DNMT3A: variants seen among roughly 807,000 people sequenced by gnomAD.
DNMT3A encodes the protein DNA (cytosine-5)-methyltransferase 3A.
Under a neutral mutation model 117.6 loss-of-function variants are expected in DNMT3A, and 267 were observed. That is an observed-to-expected ratio of 2.27 (90% CI 2.05 to 2.51). DNMT3A has a LOEUF of 2.51. Among genes scored for constraint, DNMT3A ranks in the 30% most tolerant of loss-of-function variants. The pLI is 0.00. For missense variants in DNMT3A, 1,029 were observed against 1,260.2 expected, an observed-to-expected ratio of 0.82 and a Z score of 2.78; for synonymous variants, 432 against 474.8, an observed-to-expected ratio of 0.91 and a Z score of 1.17.
chr2:25,338,054 T>C (rs1241488923), intron 1 of DNMT3A, among the ~76,000 whole-genome samples: 2 of 152,118 alleles, frequency 1.3e-5, no homozygotes, highest in African/African-American at 2.4e-5. Context: ...CACACTCAAC[T>C]CCCAGTGGGG....
At chr2:25,244,017 C>T in intron 15 of DNMT3A, 35 bp from the exon 16 acceptor site, 1 of 1,550,416 alleles carries the variant, frequency 6.4e-7, no homozygotes, top group South Asian at 1.2e-5. Flanking sequence ...GATGCAGGCC[C>T]AGCGGTGTCC....
At chr2:25,332,897 C>T (rs1438059848) in intron 1 of DNMT3A, among the ~76,000 whole-genome samples, 1 of 152,262 alleles carries the variant, frequency 6.6e-6, no homozygotes, top group Non-Finnish European at 1.5e-5. Flanking sequence ...GGTCTAGACC[C>T]TCCCCTGCCT....
rs2033222587 is a variant in DNMT3A at position 25,298,401 on chromosome 2, G to A, written c.177+1738C>T. Among the ~76,000 whole-genome samples the A allele has an allele frequency of 2.0e-5, 3 of 152,194 alleles. No individual in the cohort carries two copies. Among genetic ancestry groups the A allele is most frequent in the Admixed American group, 6.5e-5 (1 of 15,280 alleles). On this transcript the variant is annotated intron_variant, in intron 3 of 22. Transcript: ENST00000321117. This position sits in a 1 kb window ranked among gnomAD's most constrained non-coding sequence, Gnocchi z 4.3. Reference sequence around the variant, plus strand: ...CGAGTGCTTCACTCCACCTCTCAGCGATGTGGCTACCCTCTGATTCCAGAG... The same window carrying A: ...CGAGTGCTTCACTCCACCTCTCAGCAATGTGGCTACCCTCTGATTCCAGAG...
intron 16 of DNMT3A, chr2:25,241,967 T>C: frequency 2.0e-6 from 1 of 493,338 alleles, no homozygotes; most frequent in Non-Finnish European, 3.5e-6. Context: ...GAGTACATGG[T>C]TCCAGGATCC....
chr2:25,252,977 CG>C lies in DNMT3A; in HGVS notation c.640-4726del, dbSNP rs1675776950. On this transcript the variant is annotated intron_variant, in intron 6 of 22. Coordinates refer to ENST00000321117, the MANE Select transcript of DNMT3A (RefSeq NM_022552.5). The surrounding 1 kb of genome is among the most constrained non-coding windows in gnomAD (Gnocchi z 5.5). ...AGCGCGGCGTGAGGAGGTCAGGCTT[CG>C]AGTCCCAGGGCCCCTGCGTCACTCT... Among the ~76,000 whole-genome samples, 4 of 152,138 alleles carry C rather than the reference CG, an allele frequency of 2.6e-5. No homozygotes were observed. Among genetic ancestry groups the C allele is most frequent in the Non-Finnish European group, 5.9e-5 (4 of 68,014 alleles).
rs1264150469 is a variant in DNMT3A at position 25,286,694 on chromosome 2, G to C, written c.178-3983C>G. 6.6e-6 allele frequency among the ~76,000 whole-genome samples: 1 copy of C among 152,234 alleles called. No homozygotes were observed. Among genetic ancestry groups the C allele is most frequent in the Non-Finnish European group, 1.5e-5 (1 of 68,050 alleles). On this transcript the variant is annotated intron_variant, in intron 3 of 22. Coordinates refer to ENST00000321117, the MANE Select transcript of DNMT3A (RefSeq NM_022552.5). The surrounding 1 kb of genome is among the most constrained non-coding windows in gnomAD (Gnocchi z 4.3). Reference sequence around the variant, plus strand: ...CAAAACCATCCAGAGGAAGGAAAAAGGTCCCAGTCAAATGGCCTGAAGCAA... The same window carrying C: ...CAAAACCATCCAGAGGAAGGAAAAACGTCCCAGTCAAATGGCCTGAAGCAA...
chr2:25,340,714 C>T (rs1209509085), intron 1 of DNMT3A, among the ~76,000 whole-genome samples: 1 of 151,986 alleles, frequency 6.6e-6, no homozygotes, highest in Non-Finnish European at 1.5e-5. Context: ...TCTGCACCGG[C>T]CCGGCGGGGT....
At position 25,336,298 on chromosome 2, in the gene DNMT3A, C is replaced by T. The variant is rs555340932; in HGVS notation, c.-178+5528G>A. 3.3e-5 allele frequency among the ~76,000 whole-genome samples: 5 copies of T among 152,332 alleles called. No homozygotes were observed. In the South Asian group the frequency reaches 6.2e-4, roughly 19 times the overall value. On this transcript the variant is annotated intron_variant, in intron 1 of 22. Coordinates refer to ENST00000321117, the MANE Select transcript of DNMT3A (RefSeq NM_022552.5). Reference sequence around the variant, plus strand: ...AACCTGACGTCTTCACCCCCATTTCCCTGGCACTGGCAGCCCCTTGCAGGA... The same window carrying T: ...AACCTGACGTCTTCACCCCCATTTCTCTGGCACTGGCAGCCCCTTGCAGGA...
At chr2:25,243,387 G>A (rs1302205152) in intron 16 of DNMT3A, among the ~76,000 whole-genome samples, 1 of 152,028 alleles carries the variant, frequency 6.6e-6, no homozygotes, top group Non-Finnish European at 1.5e-5. Context: ...ACAAAACCGT[G>A]TGCATTCACT....
chr2:25,342,452 T>G (rs1482507952), upstream of DNMT3A: 3 of 151,790 alleles, frequency 2.0e-5, no homozygotes, highest in East Asian at 3.9e-4. The surrounding 1 kb of genome is among the most constrained non-coding windows in gnomAD (Gnocchi z 5.9). Context: ...CTGCGCTGGG[T>G]CCCCGCATCC....
chr2:25,317,116 T>C (rs11683301), intron 1 of DNMT3A, among the ~76,000 whole-genome samples: 138,259 of 152,294 alleles, frequency 0.91, 63,176 homozygotes, highest in African/African-American at 0.97. Context: ...GATGCAGTGG[T>C]AGTATCATAG....
intron 6 of DNMT3A, among the ~76,000 whole-genome samples, chr2:25,260,656 A>G (rs1014083016): frequency 6.6e-6 from 1 of 152,180 alleles, no homozygotes; most frequent in African/African-American, 2.4e-5. Flanking sequence ...TAGAGTTGCT[A>G]CTGAAGAATG....
rs1173023102 is a variant in DNMT3A at position 25,247,010 on chromosome 2, G to A, written c.1122+41C>T. The A allele has an allele frequency of 1.3e-6, 2 of 1,595,470 alleles. No individual in the cohort carries two copies. Among genetic ancestry groups the A allele is most frequent in the Non-Finnish European group, 1.7e-6 (2 of 1,169,892 alleles). On this transcript the variant is annotated intron_variant, in intron 9 of 22. Coordinates refer to ENST00000321117, the MANE Select transcript of DNMT3A (RefSeq NM_022552.5). The surrounding 1 kb of genome is among the most constrained non-coding windows in gnomAD (Gnocchi z 5.6). Reference sequence around the variant, plus strand: ...CACTCCAACTTCCAGGCCTCCTAGTGCTCTAGGCTCCTCCTCCGAGCTCCC... The same window carrying A: ...CACTCCAACTTCCAGGCCTCCTAGTACTCTAGGCTCCTCCTCCGAGCTCCC...
intron 1 of DNMT3A, among the ~76,000 whole-genome samples, chr2:25,328,460 A>C (rs560523078): frequency 2.0e-3 from 303 of 151,814 alleles, no homozygotes; most frequent in African/African-American, 7.1e-3. Context: ...CCTCCCCCAA[A>C]ACACCGTCCC....
chr2:25,301,249 A>G (rs2033497703), intron 2 of DNMT3A, among the ~76,000 whole-genome samples: 1 of 137,340 alleles, frequency 7.3e-6, no homozygotes, highest in African/African-American at 2.7e-5. Context: ...AGCCTGGGAG[A>G]CAGAGCGAGA....
At chr2:25,275,222 C>T (rs1183118158) in intron 5 of DNMT3A, 135 bp from the exon 6 acceptor site, 9 of 1,292,110 alleles carry the variant, frequency 7.0e-6, no homozygotes, top group East Asian at 2.7e-5. Context: ...GGGCAGGCCC[C>T]GTGTGGGCTG....
At chr2:25,341,444 G>T (rs938741351) in intron 1 of DNMT3A, among the ~76,000 whole-genome samples, 146 of 145,830 alleles carry the variant, frequency 1.0e-3, no homozygotes, top group African/African-American at 3.4e-3. Flanking sequence ...CGGGGCCCCT[G>T]CGGCAGCGGC....
intron 1 of DNMT3A, among the ~76,000 whole-genome samples, chr2:25,332,490 C>T (rs1424870997): frequency 6.6e-6 from 1 of 152,234 alleles, no homozygotes; most frequent in African/African-American, 2.4e-5. Flanking sequence ...GAGTGTGACC[C>T]CCTTCATCTA....
At position 25,247,881 on chromosome 2, in the gene DNMT3A, C is replaced by T; in HGVS notation, c.856-132G>A. ...AGGAGGGAGCTCCATCTGAATGAGGCAAGACAGAGCAAAATCGGGGAGACG... is the reference window on the plus strand; with the variant it reads ...AGGAGGGAGCTCCATCTGAATGAGGTAAGACAGAGCAAAATCGGGGAGACG... On this transcript the variant is annotated intron_variant, in intron 7 of 22. Transcript: ENST00000321117. The surrounding 1 kb of genome is among the most constrained non-coding windows in gnomAD (Gnocchi z 5.6). 6.6e-7 allele frequency: 1 copy of T among 1,520,292 alleles called. No homozygotes were observed. Among genetic ancestry groups the T allele is most frequent in the Non-Finnish European group, 8.8e-7 (1 of 1,132,392 alleles). The allele number at this position is 1,520,292 out of a possible 1,614,324, so 94.2% of individuals were successfully genotyped here. A position where few individuals can be genotyped will look rare whatever the true frequency, so the allele number is the denominator to read the frequency against.
Sources: allele counts gnomAD v4.1 joint callset (sites outside exome capture counted in the v4.1 genomes callset), GRCh38; gene constraint gnomAD v4.1.1; non-coding constraint Gnocchi (gnomAD v3.1); transcripts MANE v1.5; gene names NCBI Gene and HGNC (gene_info 2026-07-23, HGNC 2026-07-21).